NEDD4L: variants seen among roughly 807,000 people sequenced by gnomAD.
The protein encoded by NEDD4L is E3 ubiquitin-protein ligase NEDD4-like.
In NEDD4L, 54 loss-of-function variants were observed where a neutral mutation model predicts 148.9. The ratio of observed to expected loss-of-function variants is 0.36; its 90% CI spans 0.29 to 0.45. NEDD4L has a LOEUF of 0.45. NEDD4L is among the 20% of genes least tolerant of loss of function. The pLI is 1.00. For missense variants in NEDD4L, 856 were observed against 1,233.8 expected (o/e 0.69, Z 4.59); for synonymous variants, 433 against 440.7 (o/e 0.98, Z 0.22).
In NEDD4L at chr18:58,044,361, G is replaced by A. The variant is rs974967310; in HGVS notation, c.-300G>A. On this transcript the variant is annotated 5_prime_UTR_variant, in exon 1 of 31. Coordinates refer to ENST00000400345, the MANE Select transcript of NEDD4L (RefSeq NM_001144967.3). ...GGTCGCGGGGAGGGAAAGCCCGGCCGGGTCTGCGCCGCCGCCGCGCGCAGT... is the reference window on the plus strand; with the variant it reads ...GGTCGCGGGGAGGGAAAGCCCGGCCAGGTCTGCGCCGCCGCCGCGCGCAGT... 3.4e-4 allele frequency: 61 copies of A among 176,824 alleles called. No homozygotes were observed. Among genetic ancestry groups the A allele is most frequent in the African/African-American group, 1.4e-3 (58 of 42,180 alleles). The allele number at this position is 176,824 out of a possible 1,614,324, so 11.0% of individuals were successfully genotyped here. A position where few individuals can be genotyped will look rare whatever the true frequency, so the allele number is the denominator to read the frequency against.
At chr18:58,178,091 G>T (rs994305029) in intron 2 of NEDD4L, among the ~76,000 whole-genome samples, 3 of 152,166 alleles carry the variant, frequency 2.0e-5, no homozygotes, top group African/African-American at 7.2e-5. Context: ...GTGAGCTGAT[G>T]GTCCACGGGC....
chr18:58,288,019 A>G lies in NEDD4L; in HGVS notation c.298-27963A>G, dbSNP rs549304981. ...TTGAATGTTACAGGAAGCAAGCTTG[A>G]AAGTCAAGTTACAGTAGAACTTTGC... On this transcript the variant is annotated intron_variant, in intron 5 of 30. Coordinates refer to ENST00000400345, the MANE Select transcript of NEDD4L (RefSeq NM_001144967.3). Among the ~76,000 whole-genome samples the G allele has an allele frequency of 1.2e-4, 18 of 152,350 alleles. No homozygotes were observed. In the South Asian group the frequency reaches 3.7e-3, roughly 32 times the overall value.
chr18:58,279,898 G>T (rs1013553190), intron 5 of NEDD4L, among the ~76,000 whole-genome samples: 1 of 152,096 alleles, frequency 6.6e-6, no homozygotes, highest in Admixed American at 6.5e-5. Context: ...TAACATACAC[G>T]GATGTTGAGC....
At chr18:58,214,815 T>TTA (rs1555740339) in intron 2 of NEDD4L, among the ~76,000 whole-genome samples, 8 of 127,158 alleles carry the variant, frequency 6.3e-5, no homozygotes, top group East Asian at 4.5e-4. Flanking sequence ...TTTTTTTTTT[T>TTA]TTGTTGTTGT....
rs2054343616 is a variant in NEDD4L at position 58,289,187 on chromosome 18, G to C, written c.298-26795G>C. 1.3e-5 allele frequency among the ~76,000 whole-genome samples: 2 copies of C among 152,214 alleles called. 1 individual carries two copies. The highest frequency in any genetic ancestry group is 4.1e-4 in the South Asian group (2 of 4,832). On this transcript the variant is annotated intron_variant, in intron 5 of 30. Transcript: ENST00000400345. ...TTGATAGTAAACTGCTAAGTTTACT[G>C]TATACGCTGTGTACAAATTAGCTCA...
intron 2 of NEDD4L, among the ~76,000 whole-genome samples, chr18:58,182,719 TG>T (rs1284943995): frequency 6.6e-6 from 1 of 152,110 alleles, no homozygotes; most frequent in African/African-American, 2.4e-5. Context: ...TGTCCTCAAG[TG>T]ATCTACCCAC....
At chr18:58,378,485 G>A (rs978046014) in intron 24 of NEDD4L, among the ~76,000 whole-genome samples, 8 of 152,242 alleles carry the variant, frequency 5.3e-5, no homozygotes, top group African/African-American at 1.4e-4. Flanking sequence ...GCTCCCAGGA[G>A]CGCTGAGGCC....
intron 5 of NEDD4L, among the ~76,000 whole-genome samples, chr18:58,287,367 A>T (rs1840778783): frequency 1.3e-5 from 2 of 152,180 alleles, no homozygotes; most frequent in Admixed American, 1.3e-4. Flanking sequence ...ATACATCCAC[A>T]AGAAGAAAGA....
At chr18:58,314,752 G>A (rs1325027661) in intron 5 of NEDD4L, among the ~76,000 whole-genome samples, 2 of 152,180 alleles carry the variant, frequency 1.3e-5, no homozygotes, top group Non-Finnish European at 2.9e-5. Flanking sequence ...CCAAACCGTG[G>A]TAACTTTGAT....
chr18:58,295,945 A>G (rs1481819425), intron 5 of NEDD4L, among the ~76,000 whole-genome samples: 1 of 152,176 alleles, frequency 6.6e-6, no homozygotes, highest in South Asian at 2.1e-4. Context: ...TGAGTGAAAC[A>G]GTATTTCATT....
At chr18:58,115,158 C>T (rs1349242124) in intron 1 of NEDD4L, among the ~76,000 whole-genome samples, 2 of 152,040 alleles carry the variant, frequency 1.3e-5, no homozygotes, top group Non-Finnish European at 2.9e-5. Flanking sequence ...GGCTCACTGG[C>T]CTTTGTCTTC....
In NEDD4L at chr18:58,075,889, A is replaced by G. The variant is rs192838007; in HGVS notation, c.48+31181A>G. Among the ~76,000 whole-genome samples the G allele has an allele frequency of 1.8e-3, 273 of 152,242 alleles. 1 individual carries two copies. The highest frequency in any genetic ancestry group is 6.3e-3 in the African/African-American group (260 of 41,540). ...GGCTGCAGTGAACCATGATTGCACC[A>G]CGGCACTCCAGCGTGAGTGACAGGG... On this transcript the variant is annotated intron_variant, in intron 1 of 30. Transcript: ENST00000400345.
At chr18:58,286,165 AG>A (rs1232971232) in intron 5 of NEDD4L, among the ~76,000 whole-genome samples, 4 of 152,256 alleles carry the variant, frequency 2.6e-5, no homozygotes, top group African/African-American at 7.2e-5. Flanking sequence ...ACCTGAACAT[AG>A]CCAACTATGA....
chr18:58,120,912 C>A (rs2086201690), intron 1 of NEDD4L, among the ~76,000 whole-genome samples: 2 of 150,894 alleles, frequency 1.3e-5, no homozygotes, highest in African/African-American at 4.9e-5. Context: ...TTACCATATT[C>A]TGCTTGGACT....
intron 5 of NEDD4L, among the ~76,000 whole-genome samples, chr18:58,300,758 G>A (rs2056354050): frequency 6.6e-6 from 1 of 152,226 alleles, no homozygotes; most frequent in African/African-American, 2.4e-5. Flanking sequence ...GGGGTTCCAG[G>A]ATGAATGAGT....
At chr18:58,321,920 G>A (rs1175254538) in intron 6 of NEDD4L, among the ~76,000 whole-genome samples, 1 of 152,192 alleles carries the variant, frequency 6.6e-6, no homozygotes, top group African/African-American at 2.4e-5. Context: ...TCAGCAGAAG[G>A]TTGATCGGTG....
intron 1 of NEDD4L, among the ~76,000 whole-genome samples, chr18:58,064,817 C>T (rs917827891): frequency 1.3e-5 from 2 of 152,178 alleles, no homozygotes; most frequent in African/African-American, 2.4e-5. Flanking sequence ...TCAAAGAAGT[C>T]ATAGTCTGGC....
rs79938132 is a variant in NEDD4L at position 58,353,485 on chromosome 18, G to A, written c.1708+2440G>A. On this transcript the variant is annotated intron_variant, in intron 18 of 30. Transcript: ENST00000400345. ...CCATTTAAGAAAAGGATTTGTTTAC[G>A]AGTGCCTCCTTAGCTGTTCATGCTA... Among the ~76,000 whole-genome samples, 273 of 152,338 alleles carry A rather than the reference G, an allele frequency of 1.8e-3. 5 individuals are homozygous for A. The East Asian group carries it at 0.047, about 26-fold the overall frequency.
At chr18:58,114,347 A>T (rs73959492) in intron 1 of NEDD4L, among the ~76,000 whole-genome samples, 2,790 of 144,732 alleles carry the variant, frequency 0.019, 59 homozygotes, top group African/African-American at 0.062. Flanking sequence ...ATTTAAAAAA[A>T]ATATATATAT....
Sources: allele counts gnomAD v4.1 joint callset (sites outside exome capture counted in the v4.1 genomes callset), GRCh38; gene constraint gnomAD v4.1.1; transcripts MANE v1.5; gene names NCBI Gene and HGNC (gene_info 2026-07-23, HGNC 2026-07-21).